The following NOVA1 variants were observed in gnomAD, a reference collection of about 807,000 sequenced individuals.
NOVA1 encodes the protein NOVA alternative splicing regulator 1.
Under a neutral mutation model 38.0 loss-of-function variants are expected in NOVA1, and 7 were observed. The observed-to-expected ratio is 0.18, with a 90% CI of 0.10 to 0.35. NOVA1 has a LOEUF of 0.35. NOVA1 is among the 10% of genes least tolerant of loss of function. The probability of loss-of-function intolerance (pLI) is 1.00; values close to 1 mark genes in which losing one functional copy is unlikely to be tolerated. For synonymous variants in NOVA1, 270 were observed against 232.5 expected (o/e 1.16, Z -1.47); for missense variants, 460 against 616.0 (o/e 0.75, Z 2.68).
intron 2 of NOVA1, among the ~76,000 whole-genome samples, chr14:26,529,942 T>A (rs936128323): frequency 1.6e-4 from 24 of 150,810 alleles, no homozygotes; most frequent in Non-Finnish European, 3.2e-4. Flanking sequence ...AATGGCTCAT[T>A]TTTTTTTCAC....
chr14:26,593,461 G>C (rs952265044), intron 2 of NOVA1: 1 of 151,706 alleles, frequency 6.6e-6, no homozygotes, highest in Non-Finnish European at 1.5e-5. Context: ...TATAAACTAC[G>C]AGGCTTTATT....
chr14:26,592,167 G>C (rs1286888570), intron 2 of NOVA1, among the ~76,000 whole-genome samples: 1 of 151,262 alleles, frequency 6.6e-6, no homozygotes, highest in Non-Finnish European at 1.5e-5. Context: ...TTACCTACCT[G>C]AACCATCCAT....
chr14:26,537,299 T>C (rs1890169249), intron 2 of NOVA1, among the ~76,000 whole-genome samples: 1 of 151,944 alleles, frequency 6.6e-6, no homozygotes, highest in South Asian at 2.1e-4. Flanking sequence ...ATAATTTCTA[T>C]GTTATAAAAT....
intron 2 of NOVA1, among the ~76,000 whole-genome samples, chr14:26,500,527 G>A (rs1028875478): frequency 2.0e-5 from 3 of 151,688 alleles, no homozygotes; most frequent in Non-Finnish European, 4.4e-5. Flanking sequence ...GAAACAAAAA[G>A]GATTGTCAGA....
At chr14:26,470,609 G>C in intron 4 of NOVA1, 1 of 692,554 alleles carries the variant, frequency 1.4e-6, no homozygotes, top group Non-Finnish European at 2.5e-6. Context: ...GATTTGGCAA[G>C]GGTAAATGTA....
intron 2 of NOVA1, among the ~76,000 whole-genome samples, chr14:26,580,666 T>C (rs1189400837): frequency 1.3e-5 from 2 of 152,002 alleles, no homozygotes; most frequent in Admixed American, 6.6e-5. Flanking sequence ...TGATCACTTA[T>C]AATTACCACT....
chr14:26,579,053 CT>C (rs869075814), intron 2 of NOVA1, among the ~76,000 whole-genome samples: 11,701 of 78,334 alleles, frequency 0.15, 85 homozygotes, highest in Middle Eastern at 0.26. Context: ...AGGTGGTATT[CT>C]TTTTTTTTTT....
chr14:26,539,483 G>A (rs2138589636), intron 2 of NOVA1, among the ~76,000 whole-genome samples: 1 of 152,118 alleles, frequency 6.6e-6, no homozygotes, highest in African/African-American at 2.4e-5. Flanking sequence ...GAAAATAACT[G>A]AGACATCAGA....
At chr14:26,568,161 T>A (rs1243648041) in intron 2 of NOVA1, among the ~76,000 whole-genome samples, 2 of 152,244 alleles carry the variant, frequency 1.3e-5, no homozygotes, top group Non-Finnish European at 1.5e-5. Context: ...TATTGCTAAC[T>A]ACTCTTTACA....
chr14:26,526,289 T>C (rs930355683), intron 2 of NOVA1, among the ~76,000 whole-genome samples: 1 of 152,170 alleles, frequency 6.6e-6, no homozygotes. Flanking sequence ...TGGTTCTGTT[T>C]TTCATCAATT....
chr14:26,474,593 C>T (rs948049142), intron 3 of NOVA1, among the ~76,000 whole-genome samples: 1 of 151,846 alleles, frequency 6.6e-6, no homozygotes, highest in Non-Finnish European at 1.5e-5. Context: ...AATTGTGATG[C>T]TGTTTCTTTC....
intron 4 of NOVA1, among the ~76,000 whole-genome samples, chr14:26,463,613 ACT>A (rs1883882415): frequency 6.6e-6 from 1 of 152,156 alleles, no homozygotes; most frequent in African/African-American, 2.4e-5. Flanking sequence ...TTCCAAATGT[ACT>A]GTTTTCTTTT....
intron 2 of NOVA1, among the ~76,000 whole-genome samples, chr14:26,489,035 G>T (rs940647126): frequency 4.6e-5 from 7 of 152,010 alleles, no homozygotes; most frequent in Non-Finnish European, 7.4e-5. Flanking sequence ...GTCATGTAAA[G>T]GTAAGGGGAG....
intron 2 of NOVA1, among the ~76,000 whole-genome samples, chr14:26,540,571 T>C (rs2138594831): frequency 6.6e-6 from 1 of 152,380 alleles, no homozygotes; most frequent in Admixed American, 6.5e-5. Flanking sequence ...AACCAGCATG[T>C]ACTAGCATAC....
At chr14:26,479,177 T>A (rs929634982) in intron 3 of NOVA1, 2 of 152,088 alleles carry the variant, frequency 1.3e-5, no homozygotes, top group Admixed American at 1.3e-4. Flanking sequence ...TAAAATTACG[T>A]CACAAATTAA....
chr14:26,473,851 G>A (rs1308921691), intron 3 of NOVA1, among the ~76,000 whole-genome samples: 1 of 151,936 alleles, frequency 6.6e-6, no homozygotes, highest in Non-Finnish European at 1.5e-5. Flanking sequence ...ATAGTAATCA[G>A]TAAATCCTCA....
chr14:26,580,045 C>A (rs1893113980), intron 2 of NOVA1, among the ~76,000 whole-genome samples: 1 of 151,702 alleles, frequency 6.6e-6, no homozygotes, highest in South Asian at 2.1e-4. Context: ...AAGGTGTGCA[C>A]CACTGCACTG....
chr14:26,501,887 C>T (rs1275118919), intron 2 of NOVA1, among the ~76,000 whole-genome samples: 1 of 151,846 alleles, frequency 6.6e-6, no homozygotes, highest in Non-Finnish European at 1.5e-5. Flanking sequence ...TCAAGTTTCT[C>T]ATTTATGGAA....
chr14:26,537,082 C>T (rs965181097), intron 2 of NOVA1, among the ~76,000 whole-genome samples: 1 of 151,858 alleles, frequency 6.6e-6, no homozygotes, highest in Non-Finnish European at 1.5e-5. Flanking sequence ...AACACAATAA[C>T]TTAAATACAA....
Sources: allele counts gnomAD v4.1 joint callset (sites outside exome capture counted in the v4.1 genomes callset), GRCh38; gene constraint gnomAD v4.1.1; transcripts MANE v1.5; gene names NCBI Gene and HGNC (gene_info 2026-07-23, HGNC 2026-07-21).